The following FOXN3 variants were observed in gnomAD, a reference collection of about 807,000 sequenced individuals.
FOXN3 encodes forkhead box protein N3.
A neutral mutation model predicts 38.4 loss-of-function variants in FOXN3; 7 were observed. The observed-to-expected ratio is 0.18, with a 90% CI of 0.10 to 0.34. The LOEUF (loss-of-function observed/expected upper bound fraction) is 0.34. Ranked by LOEUF, FOXN3 falls within the 10% of genes least tolerant of loss-of-function variation. FOXN3 has a pLI of 1.00. For missense variants in FOXN3, 456 were observed against 613.4 expected, an observed-to-expected ratio of 0.74 and a Z score of 2.71; for synonymous variants, 230 against 242.2, an observed-to-expected ratio of 0.95 and a Z score of 0.47.
intron 4 of FOXN3, among the ~76,000 whole-genome samples, chr14:89,267,652 C>G (rs1329956873): frequency 1.3e-5 from 2 of 152,194 alleles, no homozygotes; most frequent in African/African-American, 4.8e-5. Context: ...ATAGCCTCTT[C>G]AATCTCACTT....
chr14:89,211,726 A>G (rs886084458), intron 4 of FOXN3, among the ~76,000 whole-genome samples: 1 of 152,268 alleles, frequency 6.6e-6, no homozygotes, highest in Non-Finnish European at 1.5e-5. Context: ...GTCTCACCCC[A>G]GAGAGCATCA....
intron 1 of FOXN3, among the ~76,000 whole-genome samples, chr14:89,556,623 G>A (rs1895132291): frequency 6.6e-6 from 1 of 152,108 alleles, no homozygotes; most frequent in Non-Finnish European, 1.5e-5. Flanking sequence ...CTCCTAGGAA[G>A]GGGTAAGGGA....
intron 1 of FOXN3, among the ~76,000 whole-genome samples, chr14:89,613,390 T>C (rs1443868670): frequency 6.6e-6 from 1 of 152,104 alleles, no homozygotes; most frequent in Non-Finnish European, 1.5e-5. Context: ...GAAGCACTGC[T>C]CCATTATCAT....
intron 1 of FOXN3, among the ~76,000 whole-genome samples, chr14:89,611,052 G>A (rs556085123): frequency 5.3e-5 from 8 of 152,234 alleles, no homozygotes; most frequent in South Asian, 4.1e-4. Flanking sequence ...CTGGTCACAC[G>A]TATACTAGGC....
chr14:89,559,368 T>C (rs1015063273), intron 1 of FOXN3, among the ~76,000 whole-genome samples: 2 of 152,008 alleles, frequency 1.3e-5, no homozygotes, highest in African/African-American at 4.8e-5. Flanking sequence ...CAGAGCAAGA[T>C]TCCATCTCTA....
At chr14:89,476,484 C>T (rs1218495429) in intron 1 of FOXN3, among the ~76,000 whole-genome samples, 2 of 152,224 alleles carry the variant, frequency 1.3e-5, no homozygotes, top group African/African-American at 2.4e-5. Flanking sequence ...GAGCTATGAG[C>T]TTTGAGCATA....
intron 4 of FOXN3, among the ~76,000 whole-genome samples, chr14:89,220,165 T>C (rs1296876196): frequency 2.0e-5 from 3 of 152,186 alleles, no homozygotes; most frequent in Non-Finnish European, 2.9e-5. Flanking sequence ...AGAAGCCACA[T>C]GCTTTGGATT....
chr14:89,407,810 AAC>A (rs1891434681), intron 2 of FOXN3, among the ~76,000 whole-genome samples: 3 of 152,322 alleles, frequency 2.0e-5, no homozygotes, highest in Admixed American at 6.5e-5. Flanking sequence ...CAGCCTGGTC[AAC>A]AGAGTGAAAC....
intron 2 of FOXN3, among the ~76,000 whole-genome samples, chr14:89,405,386 C>G (rs1200444360): frequency 6.6e-6 from 1 of 152,176 alleles, no homozygotes; most frequent in Non-Finnish European, 1.5e-5. Context: ...ATGCCCCCGT[C>G]TTGGCCTCCT....
chr14:89,367,859 C>T (rs1394865823), intron 2 of FOXN3, among the ~76,000 whole-genome samples: 1 of 152,144 alleles, frequency 6.6e-6, no homozygotes, highest in Non-Finnish European at 1.5e-5. Context: ...CCCTCGTCTC[C>T]CAGAGGCCTA....
chr14:89,611,029 T>C (rs946461042), intron 1 of FOXN3, among the ~76,000 whole-genome samples: 1 of 152,218 alleles, frequency 6.6e-6, no homozygotes, highest in Non-Finnish European at 1.5e-5. Context: ...ATCTGTTCCA[T>C]TGCTAGTTCC....
At chr14:89,340,351 T>C (rs1364833916) in intron 3 of FOXN3, among the ~76,000 whole-genome samples, 1 of 152,180 alleles carries the variant, frequency 6.6e-6, no homozygotes, top group Admixed American at 6.5e-5. Context: ...TGGACTATGG[T>C]GATTAAGCAA....
At chr14:89,315,279 C>G in intron 3 of FOXN3, among the ~76,000 whole-genome samples, 1 of 152,126 alleles carries the variant, frequency 6.6e-6, no homozygotes, top group East Asian at 1.9e-4. Context: ...CTTGGTGCAG[C>G]ATCACACAGC....
At position 89,548,989 on chromosome 14, in the gene FOXN3, G is replaced by A. The variant is rs1468303535; in HGVS notation, c.-15+70039C>T. On this transcript the variant is annotated intron_variant, in intron 1 of 6. Coordinates refer to the FOXN3 transcript ENST00000345097. The surrounding 1 kb of genome is among the most constrained non-coding windows in gnomAD (Gnocchi z 4.8). ...CAAAAATTAGCCAGGCGTAGTGGCC[G>A]GTGCTTGTAATCCCAGCTACTCGGG... Among the ~76,000 whole-genome samples, 2 of 151,842 alleles carry A rather than the reference G, an allele frequency of 1.3e-5. No homozygotes were observed. Among genetic ancestry groups the A allele is most frequent in the Admixed American group, 6.6e-5 (1 of 15,236 alleles).
At chr14:89,385,910 G>A (rs1277348207) in intron 2 of FOXN3, among the ~76,000 whole-genome samples, 2 of 152,350 alleles carry the variant, frequency 1.3e-5, no homozygotes, top group East Asian at 1.9e-4. Flanking sequence ...AACTACTTAC[G>A]TAACTGAGGT....
intron 1 of FOXN3, among the ~76,000 whole-genome samples, chr14:89,433,633 T>C (rs1004132295): frequency 6.6e-6 from 1 of 151,914 alleles, no homozygotes; most frequent in African/African-American, 2.4e-5. Context: ...TGAAACTCTG[T>C]CTCTACTAAA....
At chr14:89,563,919 G>C (rs1030850434) in intron 1 of FOXN3, among the ~76,000 whole-genome samples, 10 of 152,028 alleles carry the variant, frequency 6.6e-5, no homozygotes, top group Non-Finnish European at 1.3e-4. Flanking sequence ...GCTCAATCTC[G>C]GCTCACTGCA....
intron 4 of FOXN3, among the ~76,000 whole-genome samples, chr14:89,267,475 T>C (rs911724821): frequency 4.6e-5 from 7 of 152,064 alleles, no homozygotes; most frequent in Admixed American, 2.6e-4. Flanking sequence ...GGAGGGGAAA[T>C]GGAAGGACAA....
At chr14:89,257,770 G>C (rs757391161) in intron 4 of FOXN3, among the ~76,000 whole-genome samples, 20 of 152,134 alleles carry the variant, frequency 1.3e-4, no homozygotes, top group Admixed American at 3.3e-4. Flanking sequence ...AAAAATGAAA[G>C]TTTCAAAGAC....
Sources: allele counts gnomAD v4.1 joint callset (sites outside exome capture counted in the v4.1 genomes callset), GRCh38; gene constraint gnomAD v4.1.1; non-coding constraint Gnocchi (gnomAD v3.1); transcripts MANE v1.5; gene names NCBI Gene and HGNC (gene_info 2026-07-23, HGNC 2026-07-21).